Variants in PRDM5 observed in about 807,000 individuals in gnomAD.
The protein encoded by PRDM5 is PR domain zinc finger protein 5.
A neutral mutation model predicts 81.2 loss-of-function variants in PRDM5; 56 were observed. The ratio of observed to expected loss-of-function variants is 0.69; its 90% CI spans 0.56 to 0.86. The LOEUF (loss-of-function observed/expected upper bound fraction) is 0.86, where lower values mean the gene tolerates loss of function less well. PRDM5 is among the 40% of genes least tolerant of loss of function. PRDM5 has a pLI of 0.00. For synonymous variants in PRDM5, 267 were observed against 256.4 expected (o/e 1.04, Z -0.39); for missense variants, 697 against 770.1 (o/e 0.91, Z 1.12).
chr4:120,866,543 T>C (rs575588987), intron 2 of PRDM5, among the ~76,000 whole-genome samples: 2 of 152,346 alleles, frequency 1.3e-5, no homozygotes, highest in South Asian at 4.1e-4. Flanking sequence ...TATAATTTAC[T>C]CCTCAAAACA....
rs189642250 is a variant in PRDM5 at position 120,898,443 on chromosome 4, G to A, written c.177+9031C>T. Among the ~76,000 whole-genome samples the A allele has an allele frequency of 3.3e-5, 5 of 152,150 alleles. No homozygotes were observed. The East Asian group carries it at 7.7e-4, about 23-fold the overall frequency. ...ATTTCCAAAAGCTCTACCTATTTCT[G>A]TGTCCTCAAAGAGTAACCCTCTAGA... is the stretch of plus-strand genomic sequence containing the variant. On this transcript the variant is annotated intron_variant, in intron 2 of 15. Coordinates refer to ENST00000264808, the MANE Select transcript of PRDM5 (RefSeq NM_018699.4).
At chr4:120,706,711 T>TATA (rs1736210985) in intron 15 of PRDM5, among the ~76,000 whole-genome samples, 1 of 28,898 alleles carries the variant, frequency 3.5e-5, no homozygotes, top group African/African-American at 7.3e-5. Context: ...AAAACTGGTT[T>TATA]TATATATATA....
chr4:120,850,026 G>A (rs1436536988), intron 3 of PRDM5, among the ~76,000 whole-genome samples: 1 of 151,956 alleles, frequency 6.6e-6, no homozygotes, highest in Admixed American at 6.6e-5. Context: ...CATTTGCAAA[G>A]CAAATTTTTC....
At chr4:120,769,297 T>G (rs972068498) in intron 13 of PRDM5, among the ~76,000 whole-genome samples, 1 of 152,126 alleles carries the variant, frequency 6.6e-6, no homozygotes, top group Non-Finnish European at 1.5e-5. Flanking sequence ...CACAGACTAC[T>G]GAAGATGGCC....
At chr4:120,695,497 A>G (rs1436688289) in intron 15 of PRDM5, among the ~76,000 whole-genome samples, 1 of 152,114 alleles carries the variant, frequency 6.6e-6, no homozygotes, top group Non-Finnish European at 1.5e-5. Flanking sequence ...AATGGAATGT[A>G]TTTGCCATTT....
At position 120,694,923 on chromosome 4, in the gene PRDM5, C is replaced by A. The variant is rs1734344547; in HGVS notation, c.*188G>T. 4 of 628,706 alleles carry A rather than the reference C, an allele frequency of 6.4e-6. No homozygotes were observed. Among genetic ancestry groups the A allele is most frequent in the East Asian group, 5.8e-5 (2 of 34,750 alleles). The allele number at this position is 628,706 out of a possible 1,614,324, so 38.9% of individuals were successfully genotyped here. A position where few individuals can be genotyped will look rare whatever the true frequency, so the allele number is the denominator to read the frequency against. On this transcript the variant is annotated 3_prime_UTR_variant, in exon 16 of 16. Coordinates refer to ENST00000264808, the MANE Select transcript of PRDM5 (RefSeq NM_018699.4). ...GAGTTGTATTTTTTTTCCATTTATACCATTTCTTGTTAAAAGTAAGACTTT... is the reference window on the plus strand; with the variant it reads ...GAGTTGTATTTTTTTTCCATTTATAACATTTCTTGTTAAAAGTAAGACTTT...
At chr4:120,774,808 CAATTAG>C (rs1466099474) in intron 13 of PRDM5, among the ~76,000 whole-genome samples, 3 of 151,500 alleles carry the variant, frequency 2.0e-5, no homozygotes, top group Non-Finnish European at 4.4e-5. Context: ...ACTAGATAGA[CAATTAG>C]AATTAGAGTT....
chr4:120,686,041 C>T (rs1201518637), intron 1 of PRDM5, among the ~76,000 whole-genome samples: 2 of 151,846 alleles, frequency 1.3e-5, no homozygotes, highest in African/African-American at 4.8e-5. Flanking sequence ...GTAGTATCTC[C>T]CCACCCACCC....
chr4:120,813,844 GC>G (rs1754159269), intron 7 of PRDM5, among the ~76,000 whole-genome samples: 2 of 152,032 alleles, frequency 1.3e-5, no homozygotes, highest in Non-Finnish European at 2.9e-5. Context: ...TTGATACTAG[GC>G]CCTACTCCTT....
intron 3 of PRDM5, among the ~76,000 whole-genome samples, chr4:120,849,295 C>T (rs570754836): frequency 2.0e-5 from 3 of 152,238 alleles, no homozygotes; most frequent in Middle Eastern, 3.4e-3. Flanking sequence ...TTTCACGTGT[C>T]GCCAGAGAAG....
chr4:120,771,501 T>G (rs780618956), intron 13 of PRDM5, among the ~76,000 whole-genome samples: 4 of 152,138 alleles, frequency 2.6e-5, no homozygotes, highest in Non-Finnish European at 5.9e-5. Flanking sequence ...AAGTCTTAGT[T>G]AATCAGAAAC....
At chr4:120,748,880 C>T (rs147942434) in intron 14 of PRDM5, among the ~76,000 whole-genome samples, 19 of 152,132 alleles carry the variant, frequency 1.2e-4, no homozygotes, top group South Asian at 2.1e-4. Context: ...CATAGCAAAA[C>T]GGCCTAAGTT....
chr4:120,795,233 C>T (rs112140554), intron 10 of PRDM5, among the ~76,000 whole-genome samples: 2 of 152,114 alleles, frequency 1.3e-5, no homozygotes, highest in African/African-American at 4.8e-5. Context: ...TAAGTGGTGC[C>T]AGCTCTAGGA....
intron 9 of PRDM5, 110 bp from the exon 10 acceptor site, chr4:120,798,534 G>C (rs1751663125): frequency 7.3e-6 from 7 of 955,198 alleles, no homozygotes; most frequent in Non-Finnish European, 1.1e-5. Context: ...CTAAAGGATG[G>C]TCAAACAACT....
intron 13 of PRDM5, among the ~76,000 whole-genome samples, chr4:120,763,782 G>A (rs760053795): frequency 1.5e-4 from 23 of 152,062 alleles, no homozygotes; most frequent in South Asian, 4.1e-4. Flanking sequence ...CGTGGTCATG[G>A]AGTAACTAAG....
chr4:120,785,898 A>T (rs1316805906), intron 10 of PRDM5, among the ~76,000 whole-genome samples: 1 of 152,160 alleles, frequency 6.6e-6, no homozygotes, highest in Middle Eastern at 3.2e-3. Flanking sequence ...TCTAAAATTC[A>T]AAAACAAAAC....
chr4:120,904,909 A>C (rs991244533), intron 2 of PRDM5, among the ~76,000 whole-genome samples: 4 of 152,172 alleles, frequency 2.6e-5, no homozygotes, highest in African/African-American at 9.7e-5. Context: ...TATACAAATA[A>C]CATTTTTAAA....
intron 14 of PRDM5, among the ~76,000 whole-genome samples, chr4:120,712,489 G>T (rs1022333620): frequency 6.6e-6 from 1 of 151,966 alleles, no homozygotes; most frequent in Non-Finnish European, 1.5e-5. Flanking sequence ...TACAGGTGCC[G>T]CTCTCAATTG....
chr4:120,700,612 C>A (rs1226655262), intron 15 of PRDM5, among the ~76,000 whole-genome samples: 2 of 152,004 alleles, frequency 1.3e-5, no homozygotes, highest in Non-Finnish European at 2.9e-5. Context: ...CAAAAAACAG[C>A]CCCATTAAAA....
Sources: gnomAD v4.1 joint callset for allele counts (sites outside exome capture counted in the v4.1 genomes callset) on GRCh38, gnomAD v4.1.1 for gene constraint, MANE v1.5 for transcripts, NCBI Gene and HGNC (gene_info 2026-07-23, HGNC 2026-07-21) for gene names.